The following LPCAT1 variants were observed in gnomAD, a reference collection of about 807,000 sequenced individuals.
LPCAT1 encodes the protein 1-acylglycerol-3-phosphate O-acyltransferase.
Under a neutral mutation model 60.9 loss-of-function variants are expected in LPCAT1, and 23 were observed. The ratio of observed to expected loss-of-function variants is 0.38; its 90% CI spans 0.27 to 0.53. The LOEUF (loss-of-function observed/expected upper bound fraction) is 0.53. Among genes scored for constraint, LPCAT1 ranks in the 20% least tolerant of loss-of-function variants. The probability of loss-of-function intolerance (pLI) is 0.82; values close to 1 mark genes in which losing one functional copy is unlikely to be tolerated. For synonymous variants in LPCAT1, 340 were observed against 301.1 expected (o/e 1.13, Z -1.34); for missense variants, 622 against 723.6 (o/e 0.86, Z 1.61).
chr5:1,485,871 G>A lies in LPCAT1; in HGVS notation c.668-2385C>T, dbSNP rs1436236392. Among the ~76,000 whole-genome samples, 3 of 152,218 alleles carry A rather than the reference G, an allele frequency of 2.0e-5. No individual in the cohort carries two copies. In the East Asian group the frequency reaches 5.8e-4, roughly 29 times the overall value. The stretch of plus-strand genomic sequence containing the variant: ...CAGCCCGTGCAGGGAGGCCACTGTG[G>A]CCCAGTGAGAGCTGCGTCCACTTCC... On this transcript the variant is annotated intron_variant, in intron 5 of 13. Coordinates refer to ENST00000283415, the MANE Select transcript of LPCAT1 (RefSeq NM_024830.5).
In LPCAT1 at chr5:1,512,257, C is replaced by T. The variant is rs567139384; in HGVS notation, c.136-10654G>A. Among the ~76,000 whole-genome samples, 3 of 152,338 alleles carry T rather than the reference C, an allele frequency of 2.0e-5. No individual in the cohort carries two copies. The South Asian group carries it at 6.2e-4, about 32-fold the overall frequency. On this transcript the variant is annotated intron_variant, in intron 1 of 13. Coordinates refer to ENST00000283415, the MANE Select transcript of LPCAT1 (RefSeq NM_024830.5). ...TGCCACACAGGCAGGCCCTCCATGC[C>T]CCATGTCCAATCAGGAAGATATGGA...
intron 5 of LPCAT1, among the ~76,000 whole-genome samples, chr5:1,486,763 T>TCCGA (rs1467168667): frequency 4.6e-5 from 7 of 152,078 alleles, no homozygotes; most frequent in Non-Finnish European, 1.0e-4. Flanking sequence ...CCTGAGAGAT[T>TCCGA]CCGAACACGT....
chr5:1,490,440 G>A (rs1735534455), intron 3 of LPCAT1, among the ~76,000 whole-genome samples: 2 of 152,224 alleles, frequency 1.3e-5, no homozygotes, highest in African/African-American at 4.8e-5. Flanking sequence ...ACGAAGAGGG[G>A]GAGAGAAGGC....
At chr5:1,486,984 T>C (rs1735394199) in intron 5 of LPCAT1, among the ~76,000 whole-genome samples, 1 of 152,202 alleles carries the variant, frequency 6.6e-6, no homozygotes, top group Non-Finnish European at 1.5e-5. Context: ...TTTCGTGATA[T>C]GCGTTGAGAG....
At chr5:1,517,248 A>G (rs1736532389) in intron 1 of LPCAT1, among the ~76,000 whole-genome samples, 1 of 152,122 alleles carries the variant, frequency 6.6e-6, no homozygotes. Flanking sequence ...TGAGAACCAT[A>G]GCACTTTTGT....
At chr5:1,488,285 TA>T in intron 5 of LPCAT1, 105 bp downstream of exon 5, 1 of 687,814 alleles carries the variant, frequency 1.5e-6, no homozygotes, top group South Asian at 2.1e-5. Flanking sequence ...GCACACAGGA[TA>T]AAAACAGAAA....
At chr5:1,518,410 C>T (rs924402219) in intron 1 of LPCAT1, among the ~76,000 whole-genome samples, 10 of 152,292 alleles carry the variant, frequency 6.6e-5, no homozygotes, top group Admixed American at 1.3e-4. Context: ...GTGCGATCTC[C>T]GCTCACTGCA....
intron 1 of LPCAT1, among the ~76,000 whole-genome samples, chr5:1,517,001 CA>C (rs1263641005): frequency 6.6e-6 from 1 of 152,190 alleles, no homozygotes; most frequent in African/African-American, 2.4e-5. Context: ...CCCAGGGTTG[CA>C]AAATGACGTG....
intron 1 of LPCAT1, among the ~76,000 whole-genome samples, chr5:1,507,057 G>T (rs1285530787): frequency 6.6e-6 from 1 of 152,240 alleles, no homozygotes; most frequent in Non-Finnish European, 1.5e-5. Context: ...GGCAGATGTG[G>T]GGAGCGGGAG....
chr5:1,471,068 G>A, intron 11 of LPCAT1, 144 bp from the exon 12 acceptor site: 1 of 654,974 alleles, frequency 1.5e-6, no homozygotes, highest in Non-Finnish European at 2.6e-6. Context: ...GGGAATCTTG[G>A]AAGGACATTC....
chr5:1,481,260 C>G lies in LPCAT1; in HGVS notation c.727-284G>C, dbSNP rs979917070. Among the ~76,000 whole-genome samples the G allele has an allele frequency of 3.9e-5, 6 of 152,168 alleles. No individual in the cohort carries two copies. The highest frequency in any genetic ancestry group is 7.2e-5 in the African/African-American group (3 of 41,442). On this transcript the variant is annotated intron_variant, in intron 6 of 13. Transcript: ENST00000283415. The surrounding 1 kb of genome is among the most constrained non-coding windows in gnomAD (Gnocchi z 7.8). ...AAGATCCCCAGAGTCCCTGAGGACT[C>G]AGAGCCCCCTCTTATAGGTTCCCAG...
Position 1,463,773 on chromosome 5 carries a change from G to T in LPCAT1, c.1483C>A (p.Gln495Lys), listed in dbSNP as rs1340442862. 6.2e-7 allele frequency: 1 copy of T among 1,614,246 alleles called. No individual in the cohort carries two copies. The highest frequency in any genetic ancestry group is 1.1e-5 in the South Asian group (1 of 91,088). Residue 495 changes from glutamine (Q) to lysine (K), a missense_variant, in exon 14 of 14, where the codon CAG becomes AAG. By Grantham distance (53) the Gln-to-Lys change is moderately conservative. This residue lies in a region of LPCAT1 where 288 missense variants were observed against 283.6 expected (regional missense o/e 1.02). Transcript: ENST00000283415. ...TCTGCACAGCTTTCGAAATGTGTCT[G>T]ATCCGGGTACAGGTATTCCTCTGCG... Reference protein sequence around the residue: ...AFAEEYLYPDQTHFESCAETS... With the variant: ...AFAEEYLYPDKTHFESCAETS...
chr5:1,519,710 C>T lies in LPCAT1; in HGVS notation c.135+4000G>A, dbSNP rs142080657. Among the ~76,000 whole-genome samples, 945 of 152,316 alleles carry T rather than the reference C, an allele frequency of 6.2e-3. 11 individuals are homozygous for T. Among genetic ancestry groups the T allele is most frequent in the South Asian group, 0.013 (62 of 4,824 alleles). Reference sequence around the variant, plus strand: ...ATGACAGTGACCAGAGGCGAGGACACGGGAAAATGACGCTTGGGCCTCTAC... The same window carrying T: ...ATGACAGTGACCAGAGGCGAGGACATGGGAAAATGACGCTTGGGCCTCTAC... On this transcript the variant is annotated intron_variant, in intron 1 of 13. Coordinates refer to ENST00000283415, the MANE Select transcript of LPCAT1 (RefSeq NM_024830.5).
In LPCAT1 at chr5:1,480,322, A is replaced by T; in HGVS notation, c.761+620T>A. On this transcript the variant is annotated intron_variant, in intron 7 of 13. Transcript: ENST00000283415. This position sits in a 1 kb window ranked among gnomAD's most constrained non-coding sequence, Gnocchi z 6.4. Reference sequence around the variant, plus strand: ...CTCAACACCTTCACCTGAAAGCACCAGCGGACCCACATCCTCCCAAACGCC... The same window carrying T: ...CTCAACACCTTCACCTGAAAGCACCTGCGGACCCACATCCTCCCAAACGCC... The T allele has an allele frequency of 1.0e-6, 1 of 984,154 alleles. No individual in the cohort carries two copies. Among genetic ancestry groups the T allele is most frequent in the Non-Finnish European group, 1.2e-6 (1 of 829,650 alleles). 61.0% of individuals were successfully genotyped at this position (984,154 alleles called of 1,614,324 possible). A position where few individuals can be genotyped will look rare whatever the true frequency, so the allele number is the denominator to read the frequency against.
intron 7 of LPCAT1, 129 bp from the exon 8 acceptor site, chr5:1,479,804 C>G: frequency 2.8e-6 from 2 of 707,976 alleles, no homozygotes; most frequent in Non-Finnish European, 5.0e-6. Flanking sequence ...AACGCTCCCA[C>G]GGAGGGGGTG....
In LPCAT1 at chr5:1,523,911, G is replaced by A; in HGVS notation, c.-67C>T. On this transcript the variant is annotated 5_prime_UTR_variant, in exon 1 of 14. Coordinates refer to ENST00000283415, the MANE Select transcript of LPCAT1 (RefSeq NM_024830.5). The surrounding 1 kb of genome is among the most constrained non-coding windows in gnomAD (Gnocchi z 7.1). ...GCGCCGAGCGGGGCCGGGGCTAGCTGGGCGCGGGTCTCGGGGCGCGGGCCG... is the reference window on the plus strand; with the variant it reads ...GCGCCGAGCGGGGCCGGGGCTAGCTAGGCGCGGGTCTCGGGGCGCGGGCCG... 1 of 993,314 alleles carries A rather than the reference G, an allele frequency of 1.0e-6. No homozygotes were observed. Among genetic ancestry groups the A allele is most frequent in the Non-Finnish European group, 1.2e-6 (1 of 833,206 alleles). 61.5% of individuals were successfully genotyped at this position (993,314 alleles called of 1,614,324 possible). A position where few individuals can be genotyped will look rare whatever the true frequency, so the allele number is the denominator to read the frequency against.
At chr5:1,505,526 A>G (rs537675776) in intron 1 of LPCAT1, among the ~76,000 whole-genome samples, 2 of 150,880 alleles carry the variant, frequency 1.3e-5, no homozygotes, top group South Asian at 2.1e-4. Context: ...CGGGGCATGA[A>G]TGAGCCCTGG....
chr5:1,506,749 C>T (rs1289399710), intron 1 of LPCAT1, among the ~76,000 whole-genome samples: 20 of 152,228 alleles, frequency 1.3e-4, no homozygotes, highest in East Asian at 3.9e-4. Flanking sequence ...CAGGCAGCGT[C>T]GCTGGAGACT....
intron 13 of LPCAT1, among the ~76,000 whole-genome samples, chr5:1,464,705 C>CA (rs1553991811): frequency 2.2e-5 from 3 of 137,228 alleles, no homozygotes; most frequent in African/African-American, 8.3e-5. Flanking sequence ...TGCACACACA[C>CA]AAAGAGCACA....
Sources: allele counts gnomAD v4.1 joint callset (sites outside exome capture counted in the v4.1 genomes callset), GRCh38; gene constraint gnomAD v4.1.1; regional missense constraint gnomAD v4.1.1; non-coding constraint Gnocchi (gnomAD v3.1); transcripts MANE v1.5; gene names NCBI Gene and HGNC (gene_info 2026-07-23, HGNC 2026-07-21).